Variants in FAM120C observed in about 807,000 individuals in gnomAD.
The protein encoded by FAM120C is family with sequence similarity 120 member C, also known as constitutive coactivator of PPAR-gamma-like protein 2.
A neutral mutation model predicts 71.2 loss-of-function variants in FAM120C; 14 were observed. The ratio of observed to expected loss-of-function variants is 0.20; its 90% CI spans 0.13 to 0.31. The LOEUF (loss-of-function observed/expected upper bound fraction) is 0.31, where lower values mean the gene tolerates loss of function less well. Ranked by LOEUF, FAM120C falls within the 10% of genes least tolerant of loss-of-function variation. The probability of loss-of-function intolerance (pLI) is 1.00; values close to 1 mark genes in which losing one functional copy is unlikely to be tolerated. For missense variants in FAM120C, 500 were observed against 879.0 expected (o/e 0.57, Z 5.45); for synonymous variants, 354 against 353.2 (o/e 1.00, Z -0.03).
chrX:54,113,074 G>A (rs2066946430), intron 10 of FAM120C, among the ~76,000 whole-genome samples: 1 of 110,347 alleles, frequency 9.1e-6, no homozygotes, highest in African/African-American at 3.3e-5. Context: ...ATAGATTAAA[G>A]ACTGAAATGA....
Position 54,134,746 on chromosome X carries a change from T to C in FAM120C, c.1616+85A>G, listed in dbSNP as rs191501005. 71 of 986,841 alleles carry C rather than the reference T, an allele frequency of 7.2e-5. No homozygotes were observed. The African/African-American group carries it at 1.2e-3, about 17-fold the overall frequency. 81.3% of individuals were successfully genotyped at this position (986,841 alleles called of 1,213,427 possible). ...ACAGAGGAAACCCAGGAATACACTT[T>C]CCCACACCCTCCACCCATCTAACAA... On this transcript the variant is annotated intron_variant, in intron 7 of 15. Coordinates refer to ENST00000375180, the MANE Select transcript of FAM120C (RefSeq NM_017848.6).
rs1172425226 is a variant in FAM120C, at chrX:54,071,545, C to G, written c.*1488G>C. On this transcript the variant is annotated 3_prime_UTR_variant, in exon 16 of 16. Transcript: ENST00000375180. ...ATTCTAGCCTGAAACCAATTTGACCCTGGAGTTCCAGAAGAGATTTCCTCC... is the reference window on the plus strand; with the variant it reads ...ATTCTAGCCTGAAACCAATTTGACCGTGGAGTTCCAGAAGAGATTTCCTCC... 1 of 112,733 alleles carries G rather than the reference C, an allele frequency of 8.9e-6. No homozygotes were observed. Among genetic ancestry groups the G allele is most frequent in the Non-Finnish European group, 1.9e-5 (1 of 53,324 alleles). 9.3% of individuals were successfully genotyped at this position (112,733 alleles called of 1,213,427 possible). A position where few individuals can be genotyped will look rare whatever the true frequency, so the allele number is the denominator to read the frequency against.
At chrX:54,143,716 A>T (rs2067139372) in intron 4 of FAM120C, among the ~76,000 whole-genome samples, 1 of 111,988 alleles carries the variant, frequency 8.9e-6, no homozygotes. Context: ...ACAGATTCAC[A>T]GCCAAATTCT....
At position 54,085,933 on chromosome X, in the gene FAM120C, G is replaced by C; in HGVS notation, c.2638-17C>G. ...CAGGTCAGCCTTCAAATGAGGAAGA[G>C]TAATAATAGCAGCTGCCATTTTTCG... On this transcript the variant is annotated splice_polypyrimidine_tract_variant and intron_variant, in intron 12 of 15. Coordinates refer to ENST00000375180, the MANE Select transcript of FAM120C (RefSeq NM_017848.6). 8.3e-7 allele frequency: 1 copy of C among 1,199,965 alleles called. No homozygotes were observed. The highest frequency in any genetic ancestry group is 1.1e-6 in the Non-Finnish European group (1 of 885,238).
rs531470908 is a variant in FAM120C, at chrX:54,068,789, C to CAGAATAGAATAGAATAGAAT, written c.*4224_*4243dup. 32 of 103,233 alleles carry CAGAATAGAATAGAATAGAAT rather than the reference C, an allele frequency of 3.1e-4. No individual in the cohort carries two copies. Among genetic ancestry groups the CAGAATAGAATAGAATAGAAT allele is most frequent in the African/African-American group, 1.3e-3 (32 of 25,146 alleles). The allele number at this position is 103,233 out of a possible 1,213,427, so 8.5% of individuals were successfully genotyped here. Reference sequence around the variant, plus strand: ...AAAAACAGAATAGAACAGAATAGAACAGAATAGAATAGAATAGAATAGAAT... The same window carrying CAGAATAGAATAGAATAGAAT: ...AAAAACAGAATAGAACAGAATAGAACAGAATAGAATAGAATAGAATAGAATAGAATAGAATAGAATAGAAT... On this transcript the variant is annotated 3_prime_UTR_variant, in exon 16 of 16. Transcript: ENST00000375180.
In FAM120C at chrX:54,159,498, T is replaced by C; in HGVS notation, c.818A>G (p.Tyr273Cys). 8.3e-7 allele frequency: 1 copy of C among 1,210,818 alleles called. No individual in the cohort carries two copies. The change falls in exon 2 of 16, where the codon TAC becomes TGC. Residue 273 changes from tyrosine (Y) to cysteine (C), a missense_variant. Physicochemically the swap from Tyr to Cys is radical, Grantham distance 194. Coordinates refer to ENST00000375180, the MANE Select transcript of FAM120C (RefSeq NM_017848.6). ...EYALYNIPSY[Y>C]SSHALKLSWN... is the part of the protein sequence containing the mutation. ...GCTCAGTTTCAGAGCATGGGAACTG[T>C]AGTAAGAGGGAATATTGTAGAGAGC...
chrX:54,135,062 A>T lies in FAM120C; in HGVS notation c.1385T>A (p.Val462Glu). ...QKVKYPPPFP[V>E]GPNSSLLFSS... ...GAAGAGAAGAGATGAGTTGGGTCCCACTGGGAATGGTGGTGGATATTTCAC... is the reference window on the plus strand; with the variant it reads ...GAAGAGAAGAGATGAGTTGGGTCCCTCTGGGAATGGTGGTGGATATTTCAC... Residue 462 changes from valine to glutamate, a missense_variant, in exon 7 of 16, where the codon GTG (valine) becomes GAG (glutamate). Physicochemically the swap from Val to Glu is moderately radical, Grantham distance 121 (BLOSUM62 -2). Around this residue, in one of 11 missense-constraint regions of FAM120C, gnomAD observed 85 missense variants for 84.9 expected, o/e 1.00. Transcript: ENST00000375180. 8.3e-7 allele frequency: 1 copy of T among 1,208,742 alleles called. No individual in the cohort carries two copies. The highest frequency in any genetic ancestry group is 1.1e-6 in the Non-Finnish European group (1 of 893,556).
rs1390477822 is a variant in FAM120C at position 54,089,804 on chromosome X, A to G, written c.2427+1508T>C. Among the ~76,000 whole-genome samples the G allele has an allele frequency of 1.4e-4, 15 of 110,344 alleles. No individual in the cohort carries two copies. In the Admixed American group the frequency reaches 1.5e-3, roughly 11 times the overall value. ...GAGAAACCCCGTCTCTACTAAAAAT[A>G]CAAAATTAACCAAGCGTGGTGGCGC... On this transcript the variant is annotated intron_variant, in intron 11 of 15. Coordinates refer to ENST00000375180, the MANE Select transcript of FAM120C (RefSeq NM_017848.6).
In FAM120C at chrX:54,181,400, C is replaced by T. The variant is rs1327680053; in HGVS notation, c.699+1100G>A. ...CTGCCCACCTCCTTTACTTCCCAAG[C>T]CTTGCTATTCTCTACACGTAGGAAC... On this transcript the variant is annotated intron_variant, in intron 1 of 15. Coordinates refer to ENST00000375180, the MANE Select transcript of FAM120C (RefSeq NM_017848.6). Among the ~76,000 whole-genome samples the T allele has an allele frequency of 1.8e-5, 2 of 111,150 alleles. 1 individual carries two copies. The highest frequency in any genetic ancestry group is 1.9e-4 in the Admixed American group (2 of 10,483).
chrX:54,087,227 C>T (rs1033533910), intron 12 of FAM120C, among the ~76,000 whole-genome samples: 1 of 108,578 alleles, frequency 9.2e-6, no homozygotes, highest in African/African-American at 3.4e-5. Flanking sequence ...GGAGGAGAAT[C>T]GCGTGAACCT....
intron 1 of FAM120C, among the ~76,000 whole-genome samples, chrX:54,182,171 G>C (rs1435813458): frequency 8.9e-6 from 1 of 112,254 alleles, no homozygotes; most frequent in South Asian, 3.7e-4. Flanking sequence ...GACACCAGGA[G>C]AAAGATGAGG....
At chrX:54,110,819 C>T (rs1603354882) in intron 10 of FAM120C, among the ~76,000 whole-genome samples, 1 of 110,556 alleles carries the variant, frequency 9.0e-6, no homozygotes, top group Non-Finnish European at 1.9e-5. Context: ...CAGCACTTTG[C>T]GAGGCTGAGG....
chrX:54,102,038 C>CT (rs782670215), intron 10 of FAM120C, among the ~76,000 whole-genome samples: 105 of 102,646 alleles, frequency 1.0e-3, no homozygotes, highest in Middle Eastern at 5.1e-3. Context: ...TTTGTTTGTT[C>CT]TTTTTTTTTT....
chrX:54,072,940 G>GT lies in FAM120C; in HGVS notation c.*92dup. 9.6e-7 allele frequency: 1 copy of GT among 1,045,927 alleles called. No individual in the cohort carries two copies. Among genetic ancestry groups the GT allele is most frequent in the Non-Finnish European group, 1.3e-6 (1 of 785,785 alleles). 86.2% of individuals were successfully genotyped at this position (1,045,927 alleles called of 1,213,427 possible). ...CACCAAAATCCTGGAGAAATCTAGGGTAAGCATTTATATCCTCCTCTAGCT... is the reference window on the plus strand; with the variant it reads ...CACCAAAATCCTGGAGAAATCTAGGGTTAAGCATTTATATCCTCCTCTAGCT... On this transcript the variant is annotated 3_prime_UTR_variant, in exon 16 of 16. Transcript: ENST00000375180.
chrX:54,151,132 G>T, intron 4 of FAM120C, 113 bp downstream of exon 4: 3 of 872,392 alleles, frequency 3.4e-6, no homozygotes. Flanking sequence ...TAAGCATGGA[G>T]AAGACAAGCA....
intron 10 of FAM120C, among the ~76,000 whole-genome samples, chrX:54,101,045 C>T (rs1458472850): frequency 1.8e-5 from 2 of 111,663 alleles, no homozygotes; most frequent in African/African-American, 3.3e-5. Flanking sequence ...GCTCTGGCCC[C>T]GCTACAAGTC....
intron 15 of FAM120C, among the ~76,000 whole-genome samples, chrX:54,076,726 T>C (rs1339789044): frequency 2.7e-5 from 3 of 112,037 alleles, no homozygotes; most frequent in Non-Finnish European, 3.8e-5. Flanking sequence ...TAGGTTCCTG[T>C]AAGTATTCAA....
chrX:54,084,665 C>T (rs2066784630), intron 13 of FAM120C, among the ~76,000 whole-genome samples: 1 of 107,096 alleles, frequency 9.3e-6, no homozygotes, highest in African/African-American at 3.4e-5. Context: ...CCCGTCTCTA[C>T]TAAAAATACA....
Position 54,182,707 on chromosome X carries a change from G to A in FAM120C, c.492C>T (p.Gly164=). The A allele has an allele frequency of 8.3e-7, 1 of 1,209,375 alleles. No homozygotes were observed. The highest frequency in any genetic ancestry group is 1.7e-5 in the African/African-American group (1 of 57,999). ...CCGGGAACATGACCACGAGCTCCAG[G>A]CCGTCGCCGCCAGGATAGGCACAAG... ...CQACAYPGGD[G]LELVVMFPGG... Residue 164 remains glycine (G), a synonymous_variant, in exon 1 of 16, where the codon GGC becomes GGT. Coordinates refer to ENST00000375180, the MANE Select transcript of FAM120C (RefSeq NM_017848.6).
Sources: gnomAD v4.1 joint callset for allele counts (sites outside exome capture counted in the v4.1 genomes callset) on GRCh38, gnomAD v4.1.1 for gene constraint, gnomAD v4.1.1 regional missense constraint, MANE v1.5 for transcripts, NCBI Gene and HGNC (gene_info 2026-07-23, HGNC 2026-07-21) for gene names.